C1QTNF3: variants seen among roughly 807,000 people sequenced by gnomAD.
The protein encoded by C1QTNF3 is C1q and TNF related 3.
Under a neutral mutation model 32.6 loss-of-function variants are expected in C1QTNF3, and 26 were observed. That is an observed-to-expected ratio of 0.80 (90% confidence interval 0.58 to 1.11). The LOEUF (loss-of-function observed/expected upper bound fraction) is 1.11, where lower values mean the gene tolerates loss of function less well. Among genes scored for constraint, C1QTNF3 ranks in the 50% least tolerant of loss-of-function variants. The pLI, the probability that C1QTNF3 is intolerant of heterozygous loss-of-function variation, is 0.00. For missense variants in C1QTNF3, 362 were observed against 398.2 expected, an observed-to-expected ratio of 0.91 and a Z score of 0.77; for synonymous variants, 155 against 146.0, an observed-to-expected ratio of 1.06 and a Z score of -0.44.
At chr5:34,130,130 T>TACAC in the C1QTNF3 span, among the ~76,000 whole-genome samples, 256 of 148,638 alleles carry the variant, frequency 1.7e-3, 2 homozygotes, top group South Asian at 0.039. Context: ...ATTTTATATA[T>TACAC]ATACACACAC....
At chr5:34,238,892 G>A in the C1QTNF3 span, among the ~76,000 whole-genome samples, 2 of 152,098 alleles carry the variant, frequency 1.3e-5, no homozygotes, top group African/African-American at 4.8e-5. Flanking sequence ...CAGCTAGAGA[G>A]AAAGGTCATG....
At position 34,022,827 on chromosome 5, in the gene C1QTNF3, GTTTT is replaced by G. The variant is rs369835927; in HGVS notation, c.800+1078_800+1081del. Among the ~76,000 whole-genome samples, 24 of 152,172 alleles carry G rather than the reference GTTTT, an allele frequency of 1.6e-4. No homozygotes were observed. In the South Asian group the frequency reaches 4.8e-3, roughly 30 times the overall value. ...ATGACCAGAGAGAATTTCAAAGTCA[GTTTT>G]TTTGTTTGTTTGTTTGTTTGTTTTT... On this transcript the variant is annotated intron_variant, in intron 5 of 5. Transcript: ENST00000382065.
At chr5:34,224,419 A>C in the C1QTNF3 span, among the ~76,000 whole-genome samples, 3 of 152,242 alleles carry the variant, frequency 2.0e-5, no homozygotes, top group Admixed American at 6.5e-5. Context: ...AGGCTACAGT[A>C]ACCAAAACAG....
At chr5:34,092,766 G>T in the C1QTNF3 span, among the ~76,000 whole-genome samples, 1 of 151,896 alleles carries the variant, frequency 6.6e-6, no homozygotes, top group Non-Finnish European at 1.5e-5. Context: ...TATGGCAGCA[G>T]TAACTCTATT....
chr5:34,229,282 T>A, the C1QTNF3 span, among the ~76,000 whole-genome samples: 9 of 152,022 alleles, frequency 5.9e-5, no homozygotes, highest in East Asian at 1.7e-3. Context: ...TCCTATCACA[T>A]CTACCTCTTC....
At chr5:34,213,178 T>C in the C1QTNF3 span, among the ~76,000 whole-genome samples, 2 of 152,066 alleles carry the variant, frequency 1.3e-5, no homozygotes, top group African/African-American at 2.4e-5. Flanking sequence ...ATAACAACGT[T>C]TACATCAATA....
the C1QTNF3 span, among the ~76,000 whole-genome samples, chr5:34,144,452 C>A: frequency 6.6e-6 from 1 of 152,334 alleles, no homozygotes. Context: ...CCAAAGAACA[C>A]TCCACCCAGC....
At chr5:34,220,270 A>C in the C1QTNF3 span, among the ~76,000 whole-genome samples, 2 of 152,090 alleles carry the variant, frequency 1.3e-5, no homozygotes, top group Non-Finnish European at 2.9e-5. Flanking sequence ...AGATTTGTTA[A>C]TTCCACATAA....
the C1QTNF3 span, chr5:34,106,025 T>C: frequency 1.3e-5 from 2 of 148,514 alleles, no homozygotes; most frequent in Non-Finnish European, 3.0e-5. Context: ...TAGTTGGATA[T>C]CCAAAGTTAC....
chr5:34,036,388 T>A (rs776035691), intron 1 of C1QTNF3, among the ~76,000 whole-genome samples: 1 of 152,206 alleles, frequency 6.6e-6, no homozygotes, highest in African/African-American at 2.4e-5. Flanking sequence ...ATTATATATA[T>A]ATTTATCACG....
chr5:34,137,766 C>G, the C1QTNF3 span, among the ~76,000 whole-genome samples: 1 of 152,254 alleles, frequency 6.6e-6, no homozygotes, highest in South Asian at 2.1e-4. Flanking sequence ...AAACATAGTA[C>G]TGTTCTGCTG....
the C1QTNF3 span, among the ~76,000 whole-genome samples, chr5:34,056,006 C>A: frequency 6.6e-6 from 1 of 152,164 alleles, no homozygotes; most frequent in Non-Finnish European, 1.5e-5. Flanking sequence ...AGATGCATCA[C>A]CTACCCTAGT....
At chr5:34,079,779 A>T in the C1QTNF3 span, among the ~76,000 whole-genome samples, 1 of 151,674 alleles carries the variant, frequency 6.6e-6, no homozygotes, top group Non-Finnish European at 1.5e-5. Context: ...ACTCAGGGAG[A>T]AGGAAATGGG....
chr5:34,118,876 T>C, the C1QTNF3 span, among the ~76,000 whole-genome samples: 1,621 of 152,206 alleles, frequency 0.011, 19 homozygotes, highest in Non-Finnish European at 0.019. Context: ...TCTTTTCCTT[T>C]CTTAGTGTTC....
intron 3 of C1QTNF3, among the ~76,000 whole-genome samples, chr5:34,032,480 C>A (rs1271816554): frequency 6.6e-6 from 1 of 152,144 alleles, no homozygotes; most frequent in Non-Finnish European, 1.5e-5. Flanking sequence ...AAGATTCTGA[C>A]AAGAAAAGCT....
the C1QTNF3 span, among the ~76,000 whole-genome samples, chr5:34,228,733 T>C: frequency 6.6e-6 from 1 of 152,092 alleles, no homozygotes; most frequent in Admixed American, 6.6e-5. Context: ...TCATATTTAA[T>C]CTGCATATCT....
At chr5:34,056,414 ATATG>A in the C1QTNF3 span, among the ~76,000 whole-genome samples, 3 of 83,978 alleles carry the variant, frequency 3.6e-5, no homozygotes, top group African/African-American at 1.1e-4. Flanking sequence ...ATATATATGT[ATATG>A]TATGTGTGTG....
At chr5:34,083,425 T>A in the C1QTNF3 span, among the ~76,000 whole-genome samples, 1 of 151,378 alleles carries the variant, frequency 6.6e-6, no homozygotes, top group South Asian at 2.1e-4. Context: ...CCACGTAGAA[T>A]CTGCACTAGC....
intron 4 of C1QTNF3, among the ~76,000 whole-genome samples, chr5:34,026,058 C>T (rs375827102): frequency 8.5e-5 from 13 of 152,312 alleles, no homozygotes; most frequent in African/African-American, 3.1e-4. Context: ...GAAGTTGCTT[C>T]CTTTTAATTC....
Sources: allele counts gnomAD v4.1 joint callset (sites outside exome capture counted in the v4.1 genomes callset), GRCh38; gene constraint gnomAD v4.1.1; transcripts MANE v1.5; gene names NCBI Gene and HGNC (gene_info 2026-07-23, HGNC 2026-07-21).